Variants in TNFSF18 observed in about 807,000 individuals in gnomAD.
TNFSF18 encodes the protein tumor necrosis factor ligand superfamily member 18.
TNFSF18 carries 6 observed loss-of-function variants against 9.6 expected under a neutral mutation model. That is an observed-to-expected ratio of 0.63 (90% CI 0.34 to 1.24). The LOEUF (loss-of-function observed/expected upper bound fraction) is 1.24. TNFSF18 is among the 50% of genes most tolerant of loss of function. The pLI is 0.03. For missense variants in TNFSF18, 210 were observed against 201.0 expected (o/e 1.04, Z -0.27); for synonymous variants, 68 against 71.7 (o/e 0.95, Z 0.26).
intron 1 of TNFSF18, among the ~76,000 whole-genome samples, chr1:173,050,254 C>G (rs1665148266): frequency 6.6e-6 from 1 of 152,082 alleles, no homozygotes; most frequent in Non-Finnish European, 1.5e-5. Flanking sequence ...GACCCAGAAC[C>G]AGAATCCAGA....
In TNFSF18 at chr1:173,041,599, A is replaced by T. The variant is rs757644628; in HGVS notation, c.302T>A (p.Val101Glu). The T allele has an allele frequency of 5.0e-6, 8 of 1,613,670 alleles. No homozygotes were observed. The East Asian group carries it at 1.8e-4, about 36-fold the overall frequency. Residue 101 changes from valine (V) to glutamate (E), a missense_variant, in exon 3 of 3, where the codon GTG becomes GAG. Coordinates refer to ENST00000404377, the MANE Select transcript of TNFSF18 (RefSeq NM_005092.4). ...QNGLYLIYGQ[V>E]APNANYNDVA... ...ATCATTGTAGTTTGCATTGGGAGCC[A>T]CTTGGCCATAAATTAAATATAAGCC...
intron 2 of TNFSF18, 37 bp downstream of exon 2, chr1:173,043,902 T>TAA: frequency 6.3e-7 from 1 of 1,592,906 alleles, no homozygotes; most frequent in East Asian, 2.2e-5. Flanking sequence ...CATCAAAAAC[T>TAA]AAGAAAAGTA....
intron 1 of TNFSF18, among the ~76,000 whole-genome samples, chr1:173,045,560 G>A (rs140541690): frequency 6.6e-6 from 1 of 152,274 alleles, no homozygotes; most frequent in East Asian, 1.9e-4. Context: ...AGAGAAGTTG[G>A]AGGAATTTTG....
intron 1 of TNFSF18, among the ~76,000 whole-genome samples, chr1:173,050,116 T>C (rs1665145731): frequency 6.6e-6 from 1 of 152,176 alleles, no homozygotes; most frequent in Non-Finnish European, 1.5e-5. Flanking sequence ...TTCTTGATCA[T>C]GACATTTTAT....
At chr1:173,047,201 C>T (rs1416007840) in intron 1 of TNFSF18, among the ~76,000 whole-genome samples, 1 of 152,082 alleles carries the variant, frequency 6.6e-6, no homozygotes, top group Admixed American at 6.6e-5. Context: ...TGGCCTCTTG[C>T]AATTATTTCA....
chr1:173,044,086 A>G, intron 1 of TNFSF18, 117 bp from the exon 2 acceptor site: 1 of 981,084 alleles, frequency 1.0e-6, no homozygotes, highest in South Asian at 1.3e-5. Context: ...TAACCATAAA[A>G]AAAATCCTTC....
rs1010923724 is a variant in TNFSF18 at position 173,040,237 on chromosome 1, G to C, written c.*1130C>G. The C allele has an allele frequency of 6.0e-5, 9 of 150,700 alleles. No individual in the cohort carries two copies. Among genetic ancestry groups the C allele is most frequent in the Admixed American group, 5.3e-4 (8 of 15,114 alleles). The allele number at this position is 150,700 out of a possible 1,614,324, so 9.3% of individuals were successfully genotyped here. Reference sequence around the variant, plus strand: ...GATTCAGGCAGGAAAAAAAAAAAAAGTGTGCTGGTAAAGGAAAGATCTGTT... The same window carrying C: ...GATTCAGGCAGGAAAAAAAAAAAAACTGTGCTGGTAAAGGAAAGATCTGTT... On this transcript the variant is annotated 3_prime_UTR_variant, in exon 3 of 3. Coordinates refer to ENST00000404377, the MANE Select transcript of TNFSF18 (RefSeq NM_005092.4).
In TNFSF18 at chr1:173,043,950, A is replaced by C. The variant is rs746806539; in HGVS notation, c.176T>G (p.Met59Arg). The stretch of plus-strand genomic sequence containing the variant: ...GATAGGTTACTCACCAAACTTAGCC[A>C]TACAGGGCTCCTTAGCAGTCTGTTG... Reference protein sequence around the residue: ...LQLETAKEPCMAKFGPLPSKW... With the variant: ...LQLETAKEPCRAKFGPLPSKW... The change falls in exon 2 of 3, where the codon ATG (methionine) becomes AGG (arginine). Residue 59 changes from methionine to arginine, a missense_variant. By Grantham distance (91) the Met-to-Arg change is moderately conservative (BLOSUM62 -1). Transcript: ENST00000404377. 18 of 1,612,966 alleles carry C rather than the reference A, an allele frequency of 1.1e-5. No individual in the cohort carries two copies. Among genetic ancestry groups the C allele is most frequent in the Middle Eastern group, 1.7e-4 (1 of 6,058 alleles).
chr1:173,045,880 T>C (rs531113799), intron 1 of TNFSF18, among the ~76,000 whole-genome samples: 2 of 152,198 alleles, frequency 1.3e-5, no homozygotes, highest in Admixed American at 1.3e-4. Flanking sequence ...ACAGTATACC[T>C]GGACACAAAT....
rs767335465 is a variant in TNFSF18, at chr1:173,050,845, C to T, written c.52G>A (p.Gly18Arg). The change falls in exon 1 of 3, where the codon GGA becomes AGA. Residue 18 changes from glycine (G) to arginine (R), a missense_variant. Gly to Arg is a moderately radical substitution (Grantham distance 125). Coordinates refer to ENST00000404377, the MANE Select transcript of TNFSF18 (RefSeq NM_005092.4). ...AGCTTCCAGGATGATCTCTGAGCTCCTTGAGTTCTTGAATGGCTTAAAGGC... is the reference window on the plus strand; with the variant it reads ...AGCTTCCAGGATGATCTCTGAGCTCTTTGAGTTCTTGAATGGCTTAAAGGC... ...NMPLSHSRTQ[G>R]AQRSSWKLWL... 1.9e-5 allele frequency: 30 copies of T among 1,613,658 alleles called. No homozygotes were observed. The South Asian group carries it at 3.1e-4, about 17-fold the overall frequency.
rs556073350 is a variant in TNFSF18 at position 173,040,727 on chromosome 1, T to C, written c.*640A>G. The C allele has an allele frequency of 1.1e-4, 17 of 152,254 alleles. No individual in the cohort carries two copies. The highest frequency in any genetic ancestry group is 3.6e-4 in the African/African-American group (15 of 41,544). The allele number at this position is 152,254 out of a possible 1,614,324, so 9.4% of individuals were successfully genotyped here. A position where few individuals can be genotyped will look rare whatever the true frequency, so the allele number is the denominator to read the frequency against. ...GCTCTACGTGAGGGTTCGGAATGAC[T>C]CCTTTGATAAGGCTTTTTAAAGCAC... is the stretch of plus-strand genomic sequence containing the variant. On this transcript the variant is annotated 3_prime_UTR_variant, in exon 3 of 3. Transcript: ENST00000404377.
At chr1:173,050,180 T>C (rs1665147520) in intron 1 of TNFSF18, among the ~76,000 whole-genome samples, 2 of 152,156 alleles carry the variant, frequency 1.3e-5, no homozygotes, top group South Asian at 4.1e-4. Context: ...TTTTTTTAGA[T>C]AAAGAAGCTG....
rs1571470382 is a variant in TNFSF18 at position 173,041,145 on chromosome 1, G to A, written c.*222C>T. 2 of 425,932 alleles carry A rather than the reference G, an allele frequency of 4.7e-6. No individual in the cohort carries two copies. The highest frequency in any genetic ancestry group is 8.3e-6 in the Non-Finnish European group (2 of 241,704). 26.4% of individuals were successfully genotyped at this position (425,932 alleles called of 1,614,324 possible). A position where few individuals can be genotyped will look rare whatever the true frequency, so the allele number is the denominator to read the frequency against. On this transcript the variant is annotated 3_prime_UTR_variant, in exon 3 of 3. Transcript: ENST00000404377. ...CTGTCATCCATATTTGTTTTATCATGGATTAATGAAGTATCTCTGCAGATC... is the reference window on the plus strand; with the variant it reads ...CTGTCATCCATATTTGTTTTATCATAGATTAATGAAGTATCTCTGCAGATC...
chr1:173,041,287 A>G lies in TNFSF18; in HGVS notation c.*80T>C. The G allele has an allele frequency of 8.5e-7, 1 of 1,172,672 alleles. No individual in the cohort carries two copies. Among genetic ancestry groups the G allele is most frequent in the Non-Finnish European group, 1.2e-6 (1 of 828,886 alleles). 72.6% of individuals were successfully genotyped at this position (1,172,672 alleles called of 1,614,324 possible). On this transcript the variant is annotated 3_prime_UTR_variant, in exon 3 of 3. Transcript: ENST00000404377. Reference sequence around the variant, plus strand: ...TTTTTGTAGACAGACAAACTCTAGAAATTGAATATCTTCTCCCTCCAATCC... The same window carrying G: ...TTTTTGTAGACAGACAAACTCTAGAGATTGAATATCTTCTCCCTCCAATCC...
At chr1:173,049,025 C>T (rs1665126160) in intron 1 of TNFSF18, among the ~76,000 whole-genome samples, 1 of 152,110 alleles carries the variant, frequency 6.6e-6, no homozygotes, top group African/African-American at 2.4e-5. Flanking sequence ...TTATACTTCC[C>T]CAAATTTGAA....
intron 2 of TNFSF18, 104 bp from the exon 3 acceptor site, chr1:173,041,817 T>TA: frequency 1.0e-6 from 1 of 979,006 alleles, no homozygotes; most frequent in South Asian, 2.2e-5. Context: ...ATGTTGTTTC[T>TA]TTACCTGATC....
intron 2 of TNFSF18, among the ~76,000 whole-genome samples, chr1:173,042,714 C>G (rs956884294): frequency 6.6e-6 from 1 of 152,062 alleles, no homozygotes; most frequent in Non-Finnish European, 1.5e-5. Context: ...GATCTCACAG[C>G]CCCGGGAGGT....
At chr1:173,044,138 G>C (rs1235346492) in intron 1 of TNFSF18, among the ~76,000 whole-genome samples, 169 bp from the exon 2 acceptor site, 2 of 151,914 alleles carry the variant, frequency 1.3e-5, no homozygotes, top group Non-Finnish European at 2.9e-5. Context: ...CTTTAAAGTT[G>C]AGTGGCTCCA....
rs1429502133 is a variant in TNFSF18, at chr1:173,043,978, G to C, written c.157-9C>G. 2 of 1,611,214 alleles carry C rather than the reference G, an allele frequency of 1.2e-6. No individual in the cohort carries two copies. The highest frequency in any genetic ancestry group is 8.5e-7 in the Non-Finnish European group (1 of 1,177,506). ...CAGGGCTCCTTAGCAGTCTGTTGGGGAAATAAAAGATGAATTGATTAGGAT... is the reference window on the plus strand; with the variant it reads ...CAGGGCTCCTTAGCAGTCTGTTGGGCAAATAAAAGATGAATTGATTAGGAT... On this transcript the variant is annotated splice_polypyrimidine_tract_variant and intron_variant, in intron 1 of 2. Coordinates refer to ENST00000404377, the MANE Select transcript of TNFSF18 (RefSeq NM_005092.4).
Sources: allele counts gnomAD v4.1 joint callset (sites outside exome capture counted in the v4.1 genomes callset), GRCh38; gene constraint gnomAD v4.1.1; transcripts MANE v1.5; gene names NCBI Gene and HGNC (gene_info 2026-07-23, HGNC 2026-07-21).